The following NUP214 variants were observed in gnomAD, a reference collection of about 807,000 sequenced individuals.
NUP214 encodes the protein nuclear pore complex protein Nup214.
Under a neutral mutation model 196.2 loss-of-function variants are expected in NUP214, and 79 were observed. The ratio of observed to expected loss-of-function variants is 0.40; its 90% CI spans 0.34 to 0.49. The LOEUF (loss-of-function observed/expected upper bound fraction) is 0.49, where lower values mean the gene tolerates loss of function less well. Ranked by LOEUF, NUP214 falls within the 20% of genes least tolerant of loss-of-function variation. The pLI is 0.58. For missense variants in NUP214, 2,468 were observed against 2,539.0 expected, an observed-to-expected ratio of 0.97 and a Z score of 0.60; for synonymous variants, 1,020 against 990.5, an observed-to-expected ratio of 1.03 and a Z score of -0.56.
At position 131,134,863 on chromosome 9, in the gene NUP214, CAT is replaced by C. The variant is rs1173650531; in HGVS notation, c.832-34_832-33del. 2.8e-6 allele frequency: 4 copies of C among 1,416,188 alleles called. No individual in the cohort carries two copies. In the South Asian group the frequency reaches 3.5e-5, roughly 13 times the overall value. The allele number at this position is 1,416,188 out of a possible 1,614,324, so 87.7% of individuals were successfully genotyped here. A position where few individuals can be genotyped will look rare whatever the true frequency, so the allele number is the denominator to read the frequency against. Reference sequence around the variant, plus strand: ...GCTGTGGGATCTGAGAAAAATTGCACATGAGAATTTTTTTTCTTGCTTTGTTC... The same window carrying C: ...GCTGTGGGATCTGAGAAAAATTGCACGAGAATTTTTTTTCTTGCTTTGTTC... On this transcript the variant is annotated intron_variant, in intron 7 of 35. Coordinates refer to ENST00000359428, the MANE Select transcript of NUP214 (RefSeq NM_005085.4).
intron 24 of NUP214, among the ~76,000 whole-genome samples, chr9:131,181,641 T>A (rs1023724346): frequency 6.6e-6 from 1 of 152,244 alleles, no homozygotes; most frequent in Non-Finnish European, 1.5e-5. Context: ...TGGAGAAATA[T>A]CTATTTAGTT....
At position 131,192,204 on chromosome 9, in the gene NUP214, T is replaced by C; in HGVS notation, c.3575-4T>C. On this transcript the variant is annotated splice_region_variant and splice_polypyrimidine_tract_variant and intron_variant, in intron 26 of 35. Coordinates refer to ENST00000359428, the MANE Select transcript of NUP214 (RefSeq NM_005085.4). Reference sequence around the variant, plus strand: ...TTTTTTTTTTTTTTTTTCCATAATTTCAGGGACAGCCAAGATAGAAACAGC... The same window carrying C: ...TTTTTTTTTTTTTTTTTCCATAATTCCAGGGACAGCCAAGATAGAAACAGC... The C allele has an allele frequency of 1.0e-6, 1 of 962,364 alleles. No homozygotes were observed. The highest frequency in any genetic ancestry group is 1.6e-6 in the Non-Finnish European group (1 of 641,744). 59.6% of individuals were successfully genotyped at this position (962,364 alleles called of 1,614,324 possible).
rs568303271 is a variant in NUP214 at position 131,229,748 on chromosome 9, G to A, written c.6075-882G>A. On this transcript the variant is annotated intron_variant, in intron 33 of 35. Transcript: ENST00000359428. ...GGCAGGAGGAGGAAGGGAGCAGGCC[G>A]CTCCTGGGAGAAAGTCCAATGAGAG... 1.7e-4 allele frequency: 88 copies of A among 518,948 alleles called. 2 individuals are homozygous for A. Among genetic ancestry groups the A allele is most frequent in the South Asian group, 9.5e-4 (68 of 71,594 alleles). The allele number at this position is 518,948 out of a possible 1,614,324, so 32.1% of individuals were successfully genotyped here. A position where few individuals can be genotyped will look rare whatever the true frequency, so the allele number is the denominator to read the frequency against.
At chr9:131,178,748 T>G (rs1388805570) in intron 24 of NUP214, among the ~76,000 whole-genome samples, 4 of 151,658 alleles carry the variant, frequency 2.6e-5, no homozygotes, top group Non-Finnish European at 4.4e-5. Context: ...GAGTTGATGC[T>G]TTGGGTCTCA....
chr9:131,150,602 T>C lies in NUP214; in HGVS notation c.2128-14T>C, dbSNP rs780214837. The C allele has an allele frequency of 2.5e-6, 4 of 1,609,496 alleles. No individual in the cohort carries two copies. In the South Asian group the frequency reaches 4.4e-5, roughly 18 times the overall value. On this transcript the variant is annotated splice_polypyrimidine_tract_variant and intron_variant, in intron 15 of 35. Coordinates refer to ENST00000359428, the MANE Select transcript of NUP214 (RefSeq NM_005085.4). Reference sequence around the variant, plus strand: ...CCTTCAGACTGAGTAGTTCCTCACTTGTGGCTTCTACAGATTGCACACTTT... The same window carrying C: ...CCTTCAGACTGAGTAGTTCCTCACTCGTGGCTTCTACAGATTGCACACTTT...
chr9:131,210,928 A>G (rs1325219859), intron 30 of NUP214, among the ~76,000 whole-genome samples: 4 of 152,356 alleles, frequency 2.6e-5, no homozygotes, highest in South Asian at 2.1e-4. Flanking sequence ...AACTTATACA[A>G]TGAATACTAT....
intron 24 of NUP214, among the ~76,000 whole-genome samples, chr9:131,182,660 T>A (rs549234124): frequency 3.9e-5 from 6 of 152,342 alleles, no homozygotes; most frequent in East Asian, 3.9e-4. Flanking sequence ...TGCTTTTTTT[T>A]AATCTTGACC....
chr9:131,194,997 A>G (rs1187392673), intron 27 of NUP214, among the ~76,000 whole-genome samples: 3 of 152,086 alleles, frequency 2.0e-5, no homozygotes, highest in East Asian at 3.9e-4. Flanking sequence ...CCATCCCCCA[A>G]TGGGCTCTCA....
At chr9:131,202,122 C>G (rs915619659) in intron 30 of NUP214, among the ~76,000 whole-genome samples, 5 of 152,134 alleles carry the variant, frequency 3.3e-5, no homozygotes, top group African/African-American at 1.2e-4. Context: ...CACCATAACA[C>G]TCAACTAATT....
intron 30 of NUP214, among the ~76,000 whole-genome samples, chr9:131,210,915 C>T (rs915479591): frequency 1.3e-5 from 2 of 151,964 alleles, no homozygotes; most frequent in Non-Finnish European, 1.5e-5. Flanking sequence ...AAAAGAAGTG[C>T]AAAACTTATA....
chr9:131,176,222 G>A (rs1205326794), intron 23 of NUP214, among the ~76,000 whole-genome samples: 1 of 152,144 alleles, frequency 6.6e-6, no homozygotes, highest in East Asian at 1.9e-4. Flanking sequence ...AGTTCAGAGA[G>A]GTGAAGGTTA....
chr9:131,129,507 A>C, intron 4 of NUP214, 30 bp downstream of exon 4: 1 of 1,590,334 alleles, frequency 6.3e-7, no homozygotes, highest in Non-Finnish European at 8.6e-7. Flanking sequence ...ACACTGTAGC[A>C]TACAATCATG....
At chr9:131,178,289 C>A in intron 23 of NUP214, 22 bp from the exon 24 acceptor site, 1 of 1,569,232 alleles carries the variant, frequency 6.4e-7, no homozygotes, top group Non-Finnish European at 8.8e-7. Flanking sequence ...ATATGGTGTT[C>A]TCTCTTCTCT....
chr9:131,162,897 C>A, intron 18 of NUP214, 94 bp from the exon 19 acceptor site: 1 of 1,170,938 alleles, frequency 8.5e-7, no homozygotes, highest in Non-Finnish European at 1.2e-6. Context: ...TTATCATTTT[C>A]ACTGTTACCA....
intron 21 of NUP214, among the ~76,000 whole-genome samples, chr9:131,170,388 A>G (rs150168842): frequency 2.0e-5 from 3 of 152,230 alleles, no homozygotes; most frequent in African/African-American, 4.8e-5. Context: ...TTGGAATTGT[A>G]TTGAGTCTCT....
chr9:131,195,602 C>T (rs1022085522), intron 28 of NUP214: 9 of 298,206 alleles, frequency 3.0e-5, no homozygotes, highest in East Asian at 7.9e-5. Context: ...AAAATTTCTT[C>T]AATTTATAGG....
At chr9:131,212,025 CA>C (rs919092884) in intron 30 of NUP214, among the ~76,000 whole-genome samples, 1 of 152,190 alleles carries the variant, frequency 6.6e-6, no homozygotes, top group African/African-American at 2.4e-5. Context: ...TTCTTTTTCT[CA>C]GCAAGGAACA....
rs35406686 is a variant in NUP214 at position 131,234,587 on chromosome 9, A to AT, written c.*1111dup. The AT allele has an allele frequency of 0.014, 2,840 of 205,000 alleles. 26 individuals carry two copies. Among genetic ancestry groups the AT allele is most frequent in the African/African-American group, 0.035 (1,516 of 43,308 alleles). The allele number at this position is 205,000 out of a possible 1,614,324, so 12.7% of individuals were successfully genotyped here. On this transcript the variant is annotated 3_prime_UTR_variant, in exon 36 of 36. Transcript: ENST00000359428. The stretch of plus-strand genomic sequence containing the variant: ...ATGAGCAGCGGGGAGTTGGGAAGAG[A>AT]TTTTTTTTTTTAGAGTTTTACATAT...
chr9:131,202,312 T>G (rs1402623606), intron 30 of NUP214, among the ~76,000 whole-genome samples: 1 of 151,802 alleles, frequency 6.6e-6, no homozygotes, highest in African/African-American at 2.4e-5. Flanking sequence ...TTTTGGGGGG[T>G]TTGTTGTTGT....
Sources: gnomAD v4.1 joint callset for allele counts (sites outside exome capture counted in the v4.1 genomes callset) on GRCh38, gnomAD v4.1.1 for gene constraint, MANE v1.5 for transcripts, NCBI Gene and HGNC (gene_info 2026-07-23, HGNC 2026-07-21) for gene names.